DNAH6: variants seen among roughly 807,000 people sequenced by gnomAD.
DNAH6 encodes the protein axonemal beta dynein heavy chain 6.
In DNAH6, 340 loss-of-function variants were observed where a neutral mutation model predicts 491.4. That is an observed-to-expected ratio of 0.69 (90% CI 0.63 to 0.76). The LOEUF (loss-of-function observed/expected upper bound fraction) is 0.76, where lower values mean the gene tolerates loss of function less well. Among genes scored for constraint, DNAH6 ranks in the 30% least tolerant of loss-of-function variants. The probability of loss-of-function intolerance (pLI) is 0.00; values close to 1 mark genes in which losing one functional copy is unlikely to be tolerated. For missense variants in DNAH6, 4,443 were observed against 4,972.2 expected, an observed-to-expected ratio of 0.89 and a Z score of 3.20; for synonymous variants, 1,603 against 1,686.1, an observed-to-expected ratio of 0.95 and a Z score of 1.21.
the DNAH6 span, among the ~76,000 whole-genome samples, chr2:84,507,694 G>C: frequency 6.6e-6 from 1 of 152,124 alleles, no homozygotes; most frequent in Non-Finnish European, 1.5e-5. Context: ...TATGATATTG[G>C]CTGTGGTTTT....
intron 63 of DNAH6, among the ~76,000 whole-genome samples, chr2:84,761,897 T>C (rs1674623492): frequency 6.6e-6 from 1 of 152,182 alleles, no homozygotes; most frequent in African/African-American, 2.4e-5. Flanking sequence ...TTAACAGTTA[T>C]GCAGGATGTC....
chr2:84,494,599 GA>G, the DNAH6 span, among the ~76,000 whole-genome samples: 1 of 152,086 alleles, frequency 6.6e-6, no homozygotes, highest in Admixed American at 6.6e-5. Context: ...TCAAACATTA[GA>G]AAAAAACACG....
At chr2:84,482,869 T>A in the DNAH6 span, among the ~76,000 whole-genome samples, 1 of 152,136 alleles carries the variant, frequency 6.6e-6, no homozygotes, top group African/African-American at 2.4e-5. Flanking sequence ...ATTCAAGCCC[T>A]GAGGAGGAGA....
At position 84,807,481 on chromosome 2, in the gene DNAH6, G is replaced by A. The variant is rs77586834; in HGVS notation, c.11612-934G>A. Among the ~76,000 whole-genome samples, 99 of 152,272 alleles carry A rather than the reference G, an allele frequency of 6.5e-4. 2 individuals are homozygous for A. The East Asian group carries it at 0.017, about 27-fold the overall frequency. On this transcript the variant is annotated intron_variant, in intron 71 of 76. Transcript: ENST00000389394. Reference sequence around the variant, plus strand: ...AACTATGGGCCTGTTTAATAATGCAGTCAGTCCCTTTAAATAATGCCCAGT... The same window carrying A: ...AACTATGGGCCTGTTTAATAATGCAATCAGTCCCTTTAAATAATGCCCAGT...
At chr2:84,658,838 G>T (rs546533067) in intron 36 of DNAH6, among the ~76,000 whole-genome samples, 188 bp from the exon 37 acceptor site, 8 of 152,012 alleles carry the variant, frequency 5.3e-5, no homozygotes, top group African/African-American at 1.9e-4. Context: ...CTCATCAGTG[G>T]TTATAATGTA....
At chr2:84,791,147 G>A (rs1351004956) in intron 68 of DNAH6, among the ~76,000 whole-genome samples, 6 of 148,480 alleles carry the variant, frequency 4.0e-5, no homozygotes, top group Admixed American at 1.4e-4. Context: ...CCGAGATCAC[G>A]CCACTGCACT....
At position 84,769,524 on chromosome 2, in the gene DNAH6, C is replaced by A. The variant is rs181658438; in HGVS notation, c.10703+6579C>A. Among the ~76,000 whole-genome samples, 1,365 of 152,300 alleles carry A rather than the reference C, an allele frequency of 9.0e-3. 8 individuals are homozygous for A. Among genetic ancestry groups the A allele is most frequent in the Middle Eastern group, 0.034 (10 of 294 alleles). The stretch of plus-strand genomic sequence containing the variant: ...TTTGTGGCATTTTAACTTACCCCAA[C>A]CCTCATTCTCTAGCTTAGCAATGGT... On this transcript the variant is annotated intron_variant, in intron 64 of 76. Coordinates refer to ENST00000389394, the MANE Select transcript of DNAH6 (RefSeq NM_001370.2).
intron 2 of DNAH6, among the ~76,000 whole-genome samples, chr2:84,524,625 G>T (rs187917639): frequency 6.6e-6 from 1 of 152,156 alleles, no homozygotes; most frequent in South Asian, 2.1e-4. Flanking sequence ...TTGTAAGGCA[G>T]ATCTGGTGGT....
chr2:84,551,922 C>G (rs1213890048), intron 9 of DNAH6, among the ~76,000 whole-genome samples: 1 of 152,002 alleles, frequency 6.6e-6, no homozygotes, highest in East Asian at 1.9e-4. Context: ...GTGGTGGGTG[C>G]CTATAATCCC....
chr2:84,813,954 G>T lies in DNAH6; in HGVS notation c.11999-17G>T. ...CAGTGTTGTTTGAACGCAGCTTTCC[G>T]ATTTTCACAATTACAGGAACTCTTC... is the stretch of plus-strand genomic sequence containing the variant. On this transcript the variant is annotated splice_polypyrimidine_tract_variant and intron_variant, in intron 74 of 76. Transcript: ENST00000389394. 6.4e-7 allele frequency: 1 copy of T among 1,551,450 alleles called. No homozygotes were observed. The highest frequency in any genetic ancestry group is 1.2e-5 in the South Asian group (1 of 83,994).
chr2:84,793,800 C>T (rs955548622), intron 68 of DNAH6, among the ~76,000 whole-genome samples: 1 of 152,172 alleles, frequency 6.6e-6, no homozygotes, highest in Non-Finnish European at 1.5e-5. Flanking sequence ...AAGAGTTACT[C>T]CAACAGGAGA....
At chr2:84,801,170 G>A (rs796501867) in intron 70 of DNAH6, among the ~76,000 whole-genome samples, 132 of 147,988 alleles carry the variant, frequency 8.9e-4, no homozygotes, top group African/African-American at 3.1e-3. Flanking sequence ...TGGGTGCAGC[G>A]CACCAGCATG....
intron 70 of DNAH6, among the ~76,000 whole-genome samples, chr2:84,805,018 G>T (rs1196702414): frequency 6.6e-6 from 1 of 151,356 alleles, no homozygotes; most frequent in Non-Finnish European, 1.5e-5. Flanking sequence ...TTACCATGTT[G>T]CCCATGCTGG....
the DNAH6 span, among the ~76,000 whole-genome samples, chr2:84,507,132 A>C: frequency 6.6e-6 from 1 of 152,078 alleles, no homozygotes; most frequent in Admixed American, 6.5e-5. Flanking sequence ...TGGGGATGGC[A>C]TTGAATCTAT....
intron 45 of DNAH6, among the ~76,000 whole-genome samples, chr2:84,693,559 C>T (rs1013758914): frequency 1.3e-4 from 19 of 151,718 alleles, no homozygotes; most frequent in African/African-American, 4.4e-4. Flanking sequence ...CTGGCTAAGA[C>T]GGTGAAACCC....
Position 84,722,772 on chromosome 2 carries a change from A to C in DNAH6, c.9940A>C (p.Met3314Leu). Reference protein sequence around the residue: ...VIASLSEIDPMYQYSLKYFKQ... With the variant: ...VIASLSEIDPLYQYSLKYFKQ... ...TGCAAGCCTCTCAGAAATAGATCCT[A>C]TGTACCAGTACTCATTAAAATACTT... The change falls in exon 60 of 77, where the codon ATG becomes CTG. Residue 3314 changes from methionine (M) to leucine (L), a missense_variant. Met to Leu is a conservative substitution (Grantham distance 15). Transcript: ENST00000389394. 6.5e-7 allele frequency: 1 copy of C among 1,529,990 alleles called. No homozygotes were observed. Among genetic ancestry groups the C allele is most frequent in the Non-Finnish European group, 8.8e-7 (1 of 1,140,162 alleles). The allele number at this position is 1,529,990 out of a possible 1,614,324, so 94.8% of individuals were successfully genotyped here. A position where few individuals can be genotyped will look rare whatever the true frequency, so the allele number is the denominator to read the frequency against.
At chr2:84,623,962 C>G (rs1002612875) in intron 26 of DNAH6, among the ~76,000 whole-genome samples, 1 of 152,118 alleles carries the variant, frequency 6.6e-6, no homozygotes, top group African/African-American at 2.4e-5. Flanking sequence ...GGGCTTTCCT[C>G]GAGGCAAATG....
chr2:84,681,364 T>A lies in DNAH6; in HGVS notation c.6752T>A (p.Leu2251Ter). The stretch of plus-strand genomic sequence containing the variant: ...TTATGTTTCTGGTTCTAGGCCATCT[T>A]AAATGGTTTCCTGAGTGACTTTCCA... Reference protein sequence around the residue: ...HSLKQIFQAILNGFLSDFPPA... With the variant: ...HSLKQIFQAI The change falls in exon 42 of 77, where the codon TTA becomes TAA. Residue 2251 changes from leucine (L) to a stop codon, truncating the protein, a stop_gained. Coordinates refer to ENST00000389394, the MANE Select transcript of DNAH6 (RefSeq NM_001370.2). LOFTEE classifies it high-confidence loss of function. 1 of 1,542,730 alleles carries A rather than the reference T, an allele frequency of 6.5e-7. No homozygotes were observed. Among genetic ancestry groups the A allele is most frequent in the African/African-American group, 1.4e-5 (1 of 72,712 alleles).
At position 84,664,815 on chromosome 2, in the gene DNAH6, G is replaced by A. The variant is rs1290518205; in HGVS notation, c.6085-4474G>A. Among the ~76,000 whole-genome samples, 18 of 152,066 alleles carry A rather than the reference G, an allele frequency of 1.2e-4. 1 individual carries two copies. Among genetic ancestry groups the A allele is most frequent in the Admixed American group, 8.5e-4 (13 of 15,266 alleles). ...TATACATTCTTCTCAGCACCACATC[G>A]CACTTATTCCAAAATTGGCCACATA... On this transcript the variant is annotated intron_variant, in intron 37 of 76. Transcript: ENST00000389394.
Sources: gnomAD v4.1 joint callset for allele counts (sites outside exome capture counted in the v4.1 genomes callset) on GRCh38, gnomAD v4.1.1 for gene constraint, MANE v1.5 for transcripts, NCBI Gene and HGNC (gene_info 2026-07-23, HGNC 2026-07-21) for gene names.